GPATCH2: variants seen among roughly 807,000 people sequenced by gnomAD.
The protein encoded by GPATCH2 is G-patch domain containing 2.
In GPATCH2, 51 loss-of-function variants were observed where a neutral mutation model predicts 58.0. The ratio of observed to expected loss-of-function variants is 0.88; its 90% CI spans 0.70 to 1.11. GPATCH2 has a LOEUF of 1.11. Among genes scored for constraint, GPATCH2 ranks in the 50% most tolerant of loss-of-function variants. The probability of loss-of-function intolerance (pLI) is 0.00; values close to 1 mark genes in which losing one functional copy is unlikely to be tolerated. For synonymous variants in GPATCH2, 222 were observed against 218.5 expected (o/e 1.02, Z -0.14); for missense variants, 625 against 652.2 (o/e 0.96, Z 0.45).
intron 8 of GPATCH2, among the ~76,000 whole-genome samples, chr1:217,464,032 A>G (rs995165742): frequency 7.9e-5 from 12 of 152,134 alleles, no homozygotes; most frequent in Admixed American, 7.9e-4. Flanking sequence ...GTAACAGACA[A>G]TACCATCCTA....
At chr1:217,592,655 T>G (rs1406669379) in intron 5 of GPATCH2, among the ~76,000 whole-genome samples, 1 of 151,954 alleles carries the variant, frequency 6.6e-6, no homozygotes, top group African/African-American at 2.4e-5. Flanking sequence ...AAAACCAAAC[T>G]GATTTCAATC....
At chr1:217,608,735 G>GC in intron 5 of GPATCH2, 1 of 982,058 alleles carries the variant, frequency 1.0e-6, no homozygotes, top group Non-Finnish European at 1.2e-6. Flanking sequence ...TAAAACAAAA[G>GC]CATTTATGTA....
At chr1:217,509,467 A>G (rs1054791805) in intron 6 of GPATCH2, among the ~76,000 whole-genome samples, 15 of 152,086 alleles carry the variant, frequency 9.9e-5, no homozygotes, top group African/African-American at 3.6e-4. Context: ...GTGATGACCA[A>G]TTTTAGTGTT....
At chr1:217,619,305 G>A (rs1439250491) in intron 2 of GPATCH2, among the ~76,000 whole-genome samples, 2 of 152,112 alleles carry the variant, frequency 1.3e-5, no homozygotes, top group African/African-American at 2.4e-5. Context: ...AAATTCATAA[G>A]TGATCAGAAT....
At chr1:217,614,116 A>T in intron 3 of GPATCH2, 25 bp downstream of exon 3, 1 of 1,390,404 alleles carries the variant, frequency 7.2e-7, no homozygotes, top group Non-Finnish European at 1.0e-6. Flanking sequence ...TTTTCCAAAG[A>T]GAGAAAAAAA....
chr1:217,589,527 G>T (rs1049151422), intron 5 of GPATCH2, among the ~76,000 whole-genome samples: 1 of 152,002 alleles, frequency 6.6e-6, no homozygotes, highest in African/African-American at 2.4e-5. Flanking sequence ...CGGTCTTTTG[G>T]GTCTTTGGCT....
At chr1:217,521,877 G>A (rs1011338417) in intron 5 of GPATCH2, among the ~76,000 whole-genome samples, 2 of 152,234 alleles carry the variant, frequency 1.3e-5, no homozygotes, top group Middle Eastern at 3.4e-3. Context: ...AGAGGAATCC[G>A]TACACGTGTG....
At chr1:217,464,096 A>C (rs1225115734) in intron 8 of GPATCH2, among the ~76,000 whole-genome samples, 1 of 152,180 alleles carries the variant, frequency 6.6e-6, no homozygotes, top group African/African-American at 2.4e-5. Flanking sequence ...TACTCACTTA[A>C]AAATAAACAT....
In GPATCH2 at chr1:217,533,858, A is replaced by C. The variant is rs1255487264; in HGVS notation, c.1099-18969T>G. ...GGGATAACAAATATAATTAGCAAGA[A>C]AACTCTGTGCTCTTTTAATTATGTA... On this transcript the variant is annotated intron_variant, in intron 5 of 9. Coordinates refer to ENST00000366935, the MANE Select transcript of GPATCH2 (RefSeq NM_018040.5). Among the ~76,000 whole-genome samples, 61 of 152,226 alleles carry C rather than the reference A, an allele frequency of 4.0e-4. 1 individual carries two copies. The highest frequency in any genetic ancestry group is 2.9e-5 in the Non-Finnish European group (2 of 68,046).
chr1:217,628,303 G>A (rs12129589), intron 1 of GPATCH2, among the ~76,000 whole-genome samples: 1,993 of 152,098 alleles, frequency 0.013, 28 homozygotes, highest in Non-Finnish European at 0.019. Context: ...GACACTCTAG[G>A]CTTTTAGCTA....
chr1:217,477,229 G>A (rs1434316255), intron 8 of GPATCH2, among the ~76,000 whole-genome samples: 1 of 152,070 alleles, frequency 6.6e-6, no homozygotes, highest in East Asian at 1.9e-4. Flanking sequence ...AACAAGCAGC[G>A]ATACCTAGGT....
At chr1:217,534,870 G>C (rs1463925003) in intron 5 of GPATCH2, among the ~76,000 whole-genome samples, 1 of 152,210 alleles carries the variant, frequency 6.6e-6, no homozygotes, top group African/African-American at 2.4e-5. Flanking sequence ...AATAACTGGA[G>C]ATTAGTTTGT....
chr1:217,529,954 A>C (rs1659382920), intron 5 of GPATCH2, among the ~76,000 whole-genome samples: 1 of 152,252 alleles, frequency 6.6e-6, no homozygotes, highest in Non-Finnish European at 1.5e-5. Flanking sequence ...ACTAAATACT[A>C]GTTTAAGCTT....
intron 7 of GPATCH2, among the ~76,000 whole-genome samples, chr1:217,496,049 T>C (rs1313288314): frequency 1.3e-5 from 2 of 152,216 alleles, no homozygotes; most frequent in African/African-American, 2.4e-5. Context: ...AACAATAAAC[T>C]AAAAGATTTT....
chr1:217,604,989 A>C (rs1032049344), intron 5 of GPATCH2, among the ~76,000 whole-genome samples: 1 of 151,952 alleles, frequency 6.6e-6, no homozygotes, highest in East Asian at 1.9e-4. Context: ...CTGCCACTGC[A>C]CTCCAGCCTT....
chr1:217,526,576 T>A (rs988119931), intron 5 of GPATCH2, among the ~76,000 whole-genome samples: 6 of 152,202 alleles, frequency 3.9e-5, no homozygotes, highest in Non-Finnish European at 7.3e-5. Context: ...ACTCAATAAA[T>A]GACAACAAAA....
intron 9 of GPATCH2, among the ~76,000 whole-genome samples, chr1:217,448,302 C>T (rs1220740610): frequency 6.6e-6 from 1 of 152,054 alleles, no homozygotes; most frequent in Non-Finnish European, 1.5e-5. Flanking sequence ...CCAAATGAAG[C>T]TAAGAGAAAA....
chr1:217,607,928 ATGTG>A (rs1668439168), intron 5 of GPATCH2, among the ~76,000 whole-genome samples: 1 of 152,180 alleles, frequency 6.6e-6, no homozygotes, highest in African/African-American at 2.4e-5. Context: ...TTGCAGCTCC[ATGTG>A]TTTTACTTTG....
intron 8 of GPATCH2, among the ~76,000 whole-genome samples, chr1:217,483,179 TTTTG>T (rs1000305222): frequency 1.4e-4 from 21 of 152,266 alleles, no homozygotes; most frequent in African/African-American, 2.4e-4. Flanking sequence ...ACCAATCTTG[TTTTG>T]TTTGTTTGTT....
Sources: allele counts gnomAD v4.1 joint callset (sites outside exome capture counted in the v4.1 genomes callset), GRCh38; gene constraint gnomAD v4.1.1; transcripts MANE v1.5; gene names NCBI Gene and HGNC (gene_info 2026-07-23, HGNC 2026-07-21).